Variants in RNF138 observed in about 807,000 individuals in gnomAD.
RNF138 encodes E3 ubiquitin-protein ligase RNF138.
A neutral mutation model predicts 31.0 loss-of-function variants in RNF138; 12 were observed. That is an observed-to-expected ratio of 0.39 (90% CI 0.25 to 0.63). RNF138 has a LOEUF of 0.63. RNF138 is among the 20% of genes least tolerant of loss of function. RNF138 has a pLI of 0.52. For synonymous variants in RNF138, 105 were observed against 99.5 expected (o/e 1.06, Z -0.33); for missense variants, 192 against 300.1 (o/e 0.64, Z 2.66).
At chr18:32,098,349 T>C (rs1381402537) in intron 2 of RNF138, among the ~76,000 whole-genome samples, 1 of 151,930 alleles carries the variant, frequency 6.6e-6, no homozygotes, top group African/African-American at 2.4e-5. Flanking sequence ...GGGTCTTGCT[T>C]TGTTGCTCAG....
intron 6 of RNF138, among the ~76,000 whole-genome samples, chr18:32,125,703 G>C (rs913044335): frequency 6.6e-6 from 1 of 152,126 alleles, no homozygotes. Flanking sequence ...AGGCCGAGAG[G>C]GGAGGATTGC....
chr18:32,127,734 T>A (rs773680443), intron 7 of RNF138, among the ~76,000 whole-genome samples: 6 of 152,206 alleles, frequency 3.9e-5, no homozygotes, highest in African/African-American at 9.7e-5. Context: ...ATACAAAAAT[T>A]TGTGAACCAC....
In RNF138 at chr18:32,129,457, T is replaced by C. The variant is rs551490368; in HGVS notation, c.*270T>C. The stretch of plus-strand genomic sequence containing the variant: ...GAGAATCCCTGTTGTACTTTATCTT[T>C]TTGTAATATTATTTTTGAATTTTTC... On this transcript the variant is annotated 3_prime_UTR_variant, in exon 8 of 8. Transcript: ENST00000261593. The C allele has an allele frequency of 4.6e-4, 135 of 290,768 alleles. 4 individuals carry two copies. In the South Asian group the frequency reaches 0.011, roughly 24 times the overall value. The allele number at this position is 290,768 out of a possible 1,614,324, so 18.0% of individuals were successfully genotyped here.
At chr18:32,107,757 T>A (rs897543338) in intron 2 of RNF138, among the ~76,000 whole-genome samples, 1 of 151,634 alleles carries the variant, frequency 6.6e-6, no homozygotes, top group African/African-American at 2.4e-5. Context: ...GACCTTGTTA[T>A]CCACCCGCCT....
chr18:32,093,159 G>A (rs2144552273), intron 2 of RNF138, among the ~76,000 whole-genome samples: 1 of 150,612 alleles, frequency 6.6e-6, no homozygotes, highest in South Asian at 2.1e-4. Flanking sequence ...CCTGGCTTTC[G>A]CGCCCCCGGG....
At chr18:32,093,668 G>C (rs745311557) in intron 2 of RNF138, among the ~76,000 whole-genome samples, 35 of 152,334 alleles carry the variant, frequency 2.3e-4, no homozygotes, top group Middle Eastern at 3.4e-3. Context: ...AAATTGAGAT[G>C]CTACCCAGGG....
intron 3 of RNF138, among the ~76,000 whole-genome samples, chr18:32,112,203 T>C (rs1048591370): frequency 2.0e-5 from 3 of 152,186 alleles, no homozygotes; most frequent in African/African-American, 7.2e-5. Flanking sequence ...AGTAACTAAA[T>C]TAGCAAGCTG....
At chr18:32,104,449 A>T (rs1176305775) in intron 2 of RNF138, among the ~76,000 whole-genome samples, 5 of 152,190 alleles carry the variant, frequency 3.3e-5, no homozygotes. Context: ...GACATTTAAC[A>T]TTGTATTTCA....
chr18:32,118,557 G>A (rs530142056), intron 4 of RNF138, among the ~76,000 whole-genome samples: 8 of 151,320 alleles, frequency 5.3e-5, no homozygotes, highest in South Asian at 2.1e-4. Context: ...AATGCCGGGC[G>A]CAGTGGCTCA....
In RNF138 at chr18:32,126,352, T is replaced by C. The variant is rs115442060; in HGVS notation, c.562-341T>C. 9.7e-3 allele frequency among the ~76,000 whole-genome samples: 1,472 copies of C among 152,340 alleles called. 23 individuals are homozygous for C. Among genetic ancestry groups the C allele is most frequent in the African/African-American group, 0.033 (1,380 of 41,572 alleles). On this transcript the variant is annotated intron_variant, in intron 6 of 7. Transcript: ENST00000261593. ...AATAATTATATGGTTATTGTATGGA[T>C]CAAATGAGATAATATATTGGATATG... is the stretch of plus-strand genomic sequence containing the variant.
chr18:32,117,340 G>A (rs993284168), intron 4 of RNF138, among the ~76,000 whole-genome samples: 1 of 152,122 alleles, frequency 6.6e-6, no homozygotes, highest in African/African-American at 2.4e-5. Context: ...AGTATGTTAG[G>A]TACACTATAT....
At chr18:32,113,711 TTTAAA>T (rs2040170304) in intron 3 of RNF138, 29 bp from the exon 4 acceptor site, 1 of 1,008,750 alleles carries the variant, frequency 9.9e-7, no homozygotes, top group African/African-American at 1.7e-5. Flanking sequence ...CGAGTTCTAT[TTTAAA>T]TTAAAAGTCA....
At chr18:32,107,382 A>G (rs1305310047) in intron 2 of RNF138, among the ~76,000 whole-genome samples, 1 of 151,606 alleles carries the variant, frequency 6.6e-6, no homozygotes, top group Non-Finnish European at 1.5e-5. Context: ...CGGCCTCCCA[A>G]AATGCTGGGA....
chr18:32,124,676 G>A (rs1449620662), intron 5 of RNF138, 58 bp from the exon 6 acceptor site: 7 of 828,844 alleles, frequency 8.4e-6, no homozygotes, highest in Admixed American at 1.8e-5. Context: ...AAAAATAGGA[G>A]AGCGTTATTT....
chr18:32,112,116 GA>G (rs537832289), intron 3 of RNF138, among the ~76,000 whole-genome samples, 197 bp downstream of exon 3: 3,012 of 147,484 alleles, frequency 0.02, 77 homozygotes, highest in African/African-American at 0.053. Flanking sequence ...AAATGAGACT[GA>G]AAAAAAAATC....
intron 7 of RNF138, among the ~76,000 whole-genome samples, chr18:32,128,708 TC>T (rs1355261254): frequency 6.6e-6 from 1 of 152,232 alleles, no homozygotes; most frequent in East Asian, 1.9e-4. Flanking sequence ...AGTGACAGTC[TC>T]CCTGTGTTGC....
chr18:32,102,640 C>CT (rs145533936), intron 2 of RNF138, among the ~76,000 whole-genome samples: 4,400 of 147,128 alleles, frequency 0.03, 213 homozygotes, highest in African/African-American at 0.1. Context: ...TTGGGATTTT[C>CT]TTTTTTTTTT....
Position 32,130,615 on chromosome 18 carries a change from T to C in RNF138, c.*1428T>C, listed in dbSNP as rs1598869913. On this transcript the variant is annotated 3_prime_UTR_variant, in exon 8 of 8. Transcript: ENST00000261593. ...GTAGTTTGCTGCTAATATATACATA[T>C]ATTGTATAAAAAGGTATATTTTGGT... 2.0e-5 allele frequency: 3 copies of C among 152,468 alleles called. No individual in the cohort carries two copies. The highest frequency in any genetic ancestry group is 4.8e-5 in the African/African-American group (2 of 41,452). 9.4% of individuals were successfully genotyped at this position (152,468 alleles called of 1,614,324 possible).
At chr18:32,093,067 T>A (rs987073725) in intron 2 of RNF138, among the ~76,000 whole-genome samples, 181 bp downstream of exon 2, 3 of 151,024 alleles carry the variant, frequency 2.0e-5, no homozygotes, top group African/African-American at 7.4e-5. Flanking sequence ...TTCCTCAGCC[T>A]CGGGGCCCGC....
Sources: gnomAD v4.1 joint callset for allele counts (sites outside exome capture counted in the v4.1 genomes callset) on GRCh38, gnomAD v4.1.1 for gene constraint, MANE v1.5 for transcripts, NCBI Gene and HGNC (gene_info 2026-07-23, HGNC 2026-07-21) for gene names.